The following RARB variants were observed in gnomAD, a reference collection of about 807,000 sequenced individuals.
RARB encodes the protein retinoic acid receptor beta.
A neutral mutation model predicts 51.9 loss-of-function variants in RARB; 17 were observed. The ratio of observed to expected loss-of-function variants is 0.33; its 90% CI spans 0.22 to 0.49. The LOEUF is 0.49. Among genes scored for constraint, RARB ranks in the 20% least tolerant of loss-of-function variants. RARB has a pLI of 0.99. For missense variants in RARB, 369 were observed against 550.8 expected (o/e 0.67, Z 3.30); for synonymous variants, 215 against 195.4 (o/e 1.10, Z -0.84).
chr3:25,576,792 G>A (rs1392509706), intron 4 of RARB, among the ~76,000 whole-genome samples: 4 of 152,300 alleles, frequency 2.6e-5, no homozygotes, highest in Admixed American at 6.5e-5. Context: ...GCTACAGGGT[G>A]GCTGCCAAGC....
chr3:25,592,023 G>C (rs936761682), intron 5 of RARB, among the ~76,000 whole-genome samples: 3 of 152,152 alleles, frequency 2.0e-5, no homozygotes, highest in African/African-American at 7.2e-5. Context: ...CTTCCCCATG[G>C]GAAGTGTCCT....
In RARB at chr3:25,249,968, A is replaced by G. The variant is rs1206206159; in HGVS notation, c.178+75393A>G. 9.2e-5 allele frequency among the ~76,000 whole-genome samples: 6 copies of G among 65,408 alleles called. No homozygotes were observed. The East Asian group carries it at 2.1e-3, about 22-fold the overall frequency. 42.9% of individuals were successfully genotyped at this position (65,408 alleles called of 152,430 possible). On this transcript the variant is annotated intron_variant, in intron 5 of 11. Transcript: ENST00000383772. The stretch of plus-strand genomic sequence containing the variant: ...GTGGCTTTCTCTGGTGCTGATAGTA[A>G]CAGTGGTGGGCTCGGTGGGTGGGAA...
chr3:25,502,178 G>A (rs532808208), intron 3 of RARB, among the ~76,000 whole-genome samples: 1 of 152,212 alleles, frequency 6.6e-6, no homozygotes, highest in African/African-American at 2.4e-5. Flanking sequence ...TGAGCAGTGG[G>A]CTGGGTGCTG....
At chr3:25,112,918 C>T (rs1298085602) in intron 3 of RARB, among the ~76,000 whole-genome samples, 1 of 152,156 alleles carries the variant, frequency 6.6e-6, no homozygotes, top group African/African-American at 2.4e-5. Flanking sequence ...GTGTTCTTAG[C>T]TACAACCTTA....
chr3:24,931,381 C>T (rs1255828142), intron 2 of RARB, among the ~76,000 whole-genome samples: 2 of 151,954 alleles, frequency 1.3e-5, no homozygotes, highest in African/African-American at 2.4e-5. Context: ...TATTTCCTAC[C>T]TTATTTCTCT....
chr3:25,457,118 C>G (rs1575421932), intron 1 of RARB, among the ~76,000 whole-genome samples: 1 of 151,862 alleles, frequency 6.6e-6, no homozygotes, highest in South Asian at 2.1e-4. Context: ...AATGGCAATT[C>G]CTAGCTCCAT....
At chr3:25,510,804 T>C (rs1038898812) in intron 3 of RARB, among the ~76,000 whole-genome samples, 2 of 152,260 alleles carry the variant, frequency 1.3e-5, no homozygotes, top group African/African-American at 4.8e-5. Context: ...ATATTTATTG[T>C]CTTTTTATTA....
At chr3:24,860,852 G>A (rs1702736916) in intron 2 of RARB, among the ~76,000 whole-genome samples, 1 of 152,156 alleles carries the variant, frequency 6.6e-6, no homozygotes, top group Non-Finnish European at 1.5e-5. Context: ...TGAACTACAT[G>A]AACTCAAGGG....
chr3:25,157,350 TTGTGTGTG>T (rs748559000), intron 4 of RARB, among the ~76,000 whole-genome samples: 11 of 145,000 alleles, frequency 7.6e-5, no homozygotes, highest in East Asian at 2.0e-4. Context: ...GTGTGTGTGT[TTGTGTGTG>T]TGTGTGTGTG....
In RARB at chr3:25,597,693, TATGAAGCAG is replaced by T. The variant is rs1003052820; in HGVS notation, c.*1079_*1087del. ...GCCTCCTTTGACCTTGTTCAATCAC[TATGAAGCAG>T]AGTGAAAGCTGTGGTAGAGTGGTTA... On this transcript the variant is annotated 3_prime_UTR_variant, in exon 8 of 8. Coordinates refer to ENST00000330688, the MANE Select transcript of RARB (RefSeq NM_000965.5). 1.4e-4 allele frequency: 21 copies of T among 152,620 alleles called. No individual in the cohort carries two copies. Among genetic ancestry groups the T allele is most frequent in the African/African-American group, 4.8e-4 (20 of 41,452 alleles). The allele number at this position is 152,620 out of a possible 1,614,324, so 9.5% of individuals were successfully genotyped here.
chr3:25,497,432 C>G (rs547704256), intron 2 of RARB, among the ~76,000 whole-genome samples: 4 of 152,116 alleles, frequency 2.6e-5, no homozygotes, highest in Non-Finnish European at 5.9e-5. Flanking sequence ...CCTCTTCTTT[C>G]GCCAAAATAC....
intron 5 of RARB, among the ~76,000 whole-genome samples, chr3:25,365,500 AG>A (rs1233809890): frequency 2.6e-5 from 4 of 152,184 alleles, no homozygotes; most frequent in African/African-American, 9.6e-5. Context: ...CCCAGAACTG[AG>A]GGGCATAAAA....
chr3:24,929,921 T>A (rs1485093034), intron 2 of RARB, among the ~76,000 whole-genome samples: 1 of 152,166 alleles, frequency 6.6e-6, no homozygotes, highest in Admixed American at 6.6e-5. Context: ...TATCTTGTTT[T>A]ACCTATTTTA....
intron 3 of RARB, among the ~76,000 whole-genome samples, chr3:25,563,623 T>G (rs1700361799): frequency 6.6e-6 from 1 of 152,202 alleles, no homozygotes; most frequent in Admixed American, 6.5e-5. Context: ...TAGTAATAGA[T>G]CCACCTGCCT....
intron 5 of RARB, among the ~76,000 whole-genome samples, chr3:25,245,934 C>G (rs1702548871): frequency 1.3e-5 from 2 of 152,146 alleles, no homozygotes; most frequent in African/African-American, 4.8e-5. Context: ...ATTCCATTTT[C>G]CTCATCACTT....
chr3:25,468,354 G>C (rs1250230664), intron 2 of RARB, among the ~76,000 whole-genome samples: 2 of 136,964 alleles, frequency 1.5e-5, no homozygotes, highest in Non-Finnish European at 1.5e-5. Context: ...GGTGCCTTCT[G>C]TACACTAGGC....
intron 3 of RARB, among the ~76,000 whole-genome samples, chr3:25,130,544 C>T (rs1163558164): frequency 1.3e-5 from 2 of 151,886 alleles, no homozygotes; most frequent in Non-Finnish European, 2.9e-5. Flanking sequence ...CTCTTTCCTT[C>T]CTGGCGCACT....
At chr3:25,417,144 A>G (rs755228140) in intron 5 of RARB, among the ~76,000 whole-genome samples, 3 of 151,992 alleles carry the variant, frequency 2.0e-5, no homozygotes, top group East Asian at 1.9e-4. Flanking sequence ...ATTAGGGGTA[A>G]AAGTTTCTAT....
chr3:25,046,870 T>C (rs1203485313), intron 2 of RARB, among the ~76,000 whole-genome samples: 1 of 152,206 alleles, frequency 6.6e-6, no homozygotes, highest in African/African-American at 2.4e-5. Flanking sequence ...AATACACGTG[T>C]GTTGGGAGTG....
Sources: allele counts gnomAD v4.1 joint callset (sites outside exome capture counted in the v4.1 genomes callset), GRCh38; gene constraint gnomAD v4.1.1; transcripts MANE v1.5; gene names NCBI Gene and HGNC (gene_info 2026-07-23, HGNC 2026-07-21).